The following VASH2 variants were observed in gnomAD, a reference collection of about 807,000 sequenced individuals.
VASH2 encodes tubulinyl-Tyr carboxypeptidase 2.
VASH2 carries 28 observed loss-of-function variants against 37.2 expected under a neutral mutation model. The observed-to-expected ratio is 0.75, with a 90% CI of 0.56 to 1.03. The LOEUF (loss-of-function observed/expected upper bound fraction) is 1.03, where lower values mean the gene tolerates loss of function less well. Among genes scored for constraint, VASH2 ranks in the 50% least tolerant of loss-of-function variants. The pLI is 0.00. For synonymous variants in VASH2, 188 were observed against 174.7 expected (o/e 1.08, Z -0.60); for missense variants, 419 against 459.1 (o/e 0.91, Z 0.80).
At chr1:212,959,879 C>CA (rs1666619293) in intron 2 of VASH2, among the ~76,000 whole-genome samples, 1 of 152,232 alleles carries the variant, frequency 6.6e-6, no homozygotes, top group Non-Finnish European at 1.5e-5. Flanking sequence ...CACCTGTCCT[C>CA]AGGCCCTTTC....
Position 212,972,642 on chromosome 1 carries a change from C to T in VASH2, c.560C>T (p.Ser187Leu). The T allele has an allele frequency of 1.2e-6, 2 of 1,614,184 alleles. No individual in the cohort carries two copies. Among genetic ancestry groups the T allele is most frequent in the Non-Finnish European group, 1.7e-6 (2 of 1,180,046 alleles). ...CCCATCAGCTTTAAAACCTACTTCT[C>T]AGGAAACTACTTTCACCACGTTGTG... ...RFPISFKTYF[S>L]GNYFHHVVLG... Residue 187 changes from serine to leucine, a missense_variant, in exon 6 of 8, where the codon TCA becomes TTA. Around this residue, in one of 3 missense-constraint regions of VASH2, gnomAD observed 84 missense variants for 129.9 expected, o/e 0.65. Coordinates refer to ENST00000517399, the MANE Select transcript of VASH2 (RefSeq NM_001301056.2).
chr1:212,955,687 TATTCTCGAGTTG>T (rs1666468715), intron 2 of VASH2, among the ~76,000 whole-genome samples: 1 of 152,202 alleles, frequency 6.6e-6, no homozygotes, highest in Admixed American at 6.5e-5. Context: ...TCTTGTGCCT[TATTCTCGAGTTG>T]ATTCCCAATT....
At chr1:212,968,639 CAT>C (rs1362888908) in intron 5 of VASH2, 1 of 985,428 alleles carries the variant, frequency 1.0e-6, no homozygotes, top group Admixed American at 6.1e-5. Context: ...GGAGATGAAA[CAT>C]GTGCCTGGGG....
At chr1:212,985,419 CT>C (rs144366214) in intron 7 of VASH2, among the ~76,000 whole-genome samples, 4,104 of 135,612 alleles carry the variant, frequency 0.03, 168 homozygotes, top group African/African-American at 0.099. Flanking sequence ...TAGAGACCAT[CT>C]TTTTTTTTTT....
chr1:212,990,449 C>T lies in VASH2; in HGVS notation c.*1865C>T, dbSNP rs2075847292. 2 of 152,144 alleles carry T rather than the reference C, an allele frequency of 1.3e-5. No homozygotes were observed. The highest frequency in any genetic ancestry group is 2.9e-5 in the Non-Finnish European group (2 of 68,030). The allele number at this position is 152,144 out of a possible 1,614,324, so 9.4% of individuals were successfully genotyped here. ...ATTTCATTTTCATTCTAAAACAATA[C>T]TGACTTAGCCATATACCTTCTGTTT... On this transcript the variant is annotated 3_prime_UTR_variant, in exon 8 of 8. Coordinates refer to ENST00000517399, the MANE Select transcript of VASH2 (RefSeq NM_001301056.2).
At chr1:212,964,820 T>C (rs1666790911) in intron 3 of VASH2, among the ~76,000 whole-genome samples, 1 of 152,132 alleles carries the variant, frequency 6.6e-6, no homozygotes, top group Non-Finnish European at 1.5e-5. Flanking sequence ...CACTCATTCA[T>C]CCATCCACCT....
intron 5 of VASH2, 68 bp downstream of exon 5, chr1:212,966,413 C>T: frequency 2.3e-6 from 3 of 1,294,734 alleles, no homozygotes; most frequent in Non-Finnish European, 3.3e-6. Flanking sequence ...GCTTGTTGTG[C>T]CTTTAACATT....
rs2075847055 is a variant in VASH2 at position 212,990,429 on chromosome 1, AT to A, written c.*1849del. ...GATGTTTGAAATAGTGAATCATTTC[AT>A]TTTCATTCTAAAACAATACTGACTT... On this transcript the variant is annotated 3_prime_UTR_variant, in exon 8 of 8. Coordinates refer to ENST00000517399, the MANE Select transcript of VASH2 (RefSeq NM_001301056.2). 1 of 152,200 alleles carries A rather than the reference AT, an allele frequency of 6.6e-6. No individual in the cohort carries two copies. The highest frequency in any genetic ancestry group is 1.5e-5 in the Non-Finnish European group (1 of 68,032). The allele number at this position is 152,200 out of a possible 1,614,324, so 9.4% of individuals were successfully genotyped here.
chr1:212,959,120 A>G (rs1244282150), intron 2 of VASH2, among the ~76,000 whole-genome samples: 1 of 152,158 alleles, frequency 6.6e-6, no homozygotes, highest in African/African-American at 2.4e-5. Context: ...CTAAAACTTG[A>G]AACACAGGAG....
chr1:212,980,820 C>CA (rs1667317868), intron 7 of VASH2, among the ~76,000 whole-genome samples: 1 of 152,046 alleles, frequency 6.6e-6, no homozygotes, highest in South Asian at 2.1e-4. Flanking sequence ...AGCAAACAAA[C>CA]AAAAAAGAAC....
intron 3 of VASH2, among the ~76,000 whole-genome samples, chr1:212,962,551 T>G (rs1045787585): frequency 1.3e-5 from 2 of 152,216 alleles, no homozygotes; most frequent in Non-Finnish European, 2.9e-5. Context: ...CTGGTGGATA[T>G]TTGTGTCTTC....
At chr1:212,955,866 C>CGTCT (rs549280729) in intron 2 of VASH2, among the ~76,000 whole-genome samples, 4 of 152,190 alleles carry the variant, frequency 2.6e-5, no homozygotes, top group East Asian at 1.9e-4. Context: ...GAGAACCTTC[C>CGTCT]GTCTGTCTGT....
At position 212,959,101 on chromosome 1, in the gene VASH2, G is replaced by A. The variant is rs150106913; in HGVS notation, c.277-2065G>A. Reference sequence around the variant, plus strand: ...CCTGGGCTTTCTCTCTCGTTCGTTCGTACAGGGCCTAAAACTTGAAACACA... The same window carrying A: ...CCTGGGCTTTCTCTCTCGTTCGTTCATACAGGGCCTAAAACTTGAAACACA... On this transcript the variant is annotated intron_variant, in intron 2 of 7. Transcript: ENST00000517399. Among the ~76,000 whole-genome samples, 580 of 152,206 alleles carry A rather than the reference G, an allele frequency of 3.8e-3. 5 individuals are homozygous for A. Among genetic ancestry groups the A allele is most frequent in the African/African-American group, 0.013 (555 of 41,518 alleles).
chr1:212,978,740 C>G (rs975579084), intron 7 of VASH2, among the ~76,000 whole-genome samples: 2 of 152,128 alleles, frequency 1.3e-5, no homozygotes, highest in African/African-American at 4.8e-5. Flanking sequence ...GGCCTTGGAA[C>G]GGTTTGACCA....
rs546851549 is a variant in VASH2 at position 212,989,993 on chromosome 1, A to G, written c.*1409A>G. 2 of 152,230 alleles carry G rather than the reference A, an allele frequency of 1.3e-5. No homozygotes were observed. The highest frequency in any genetic ancestry group is 3.9e-4 in the East Asian group (2 of 5,174). The allele number at this position is 152,230 out of a possible 1,614,324, so 9.4% of individuals were successfully genotyped here. A position where few individuals can be genotyped will look rare whatever the true frequency, so the allele number is the denominator to read the frequency against. ...ATTTCAGTGAAGTCTGGTAGTCAAC[A>G]GATGTTATTTCAGTCTCAGTGCATC... is the stretch of plus-strand genomic sequence containing the variant. On this transcript the variant is annotated 3_prime_UTR_variant, in exon 8 of 8. Coordinates refer to ENST00000517399, the MANE Select transcript of VASH2 (RefSeq NM_001301056.2).
chr1:212,971,723 G>C lies in VASH2; in HGVS notation c.498-857G>C, dbSNP rs1317608173. 6.6e-6 allele frequency among the ~76,000 whole-genome samples: 1 copy of C among 151,984 alleles called. No homozygotes were observed. Among genetic ancestry groups the C allele is most frequent in the Non-Finnish European group, 1.5e-5 (1 of 68,000 alleles). On this transcript the variant is annotated intron_variant, in intron 5 of 7. Coordinates refer to ENST00000517399, the MANE Select transcript of VASH2 (RefSeq NM_001301056.2). This position sits in a 1 kb window ranked among gnomAD's most constrained non-coding sequence, Gnocchi z 4.0. ...GATTAAACCGAGAGCAGAGGACAAG[G>C]CTGCCGCCAGTGCTGTGGATGGATT...
rs1157550278 is a variant in VASH2, at chr1:212,990,339, AT to A, written c.*1756del. ...AAGAACAGTATTATCAGAGTTTAAA[AT>A]GAGTTAGCTCTGTTTATCTACACAC... On this transcript the variant is annotated 3_prime_UTR_variant, in exon 8 of 8. Coordinates refer to ENST00000517399, the MANE Select transcript of VASH2 (RefSeq NM_001301056.2). The A allele has an allele frequency of 6.6e-6, 1 of 152,252 alleles. No homozygotes were observed. Among genetic ancestry groups the A allele is most frequent in the Non-Finnish European group, 1.5e-5 (1 of 68,042 alleles). 9.4% of individuals were successfully genotyped at this position (152,252 alleles called of 1,614,324 possible).
intron 2 of VASH2, among the ~76,000 whole-genome samples, chr1:212,959,204 A>G (rs2102624793): frequency 6.6e-6 from 1 of 152,372 alleles, no homozygotes; most frequent in African/African-American, 2.4e-5. Context: ...TTTTTTACAT[A>G]GAACACTTTC....
rs548651966 is a variant in VASH2, at chr1:212,959,425, ACACT to A, written c.277-1737_277-1734del. The stretch of plus-strand genomic sequence containing the variant: ...AATAGCTGTGCCTGAGTGTGCACAC[ACACT>A]CACATTCACACGCACATTCACACAC... On this transcript the variant is annotated intron_variant, in intron 2 of 7. Coordinates refer to ENST00000517399, the MANE Select transcript of VASH2 (RefSeq NM_001301056.2). Among the ~76,000 whole-genome samples, 26 of 141,064 alleles carry A rather than the reference ACACT, an allele frequency of 1.8e-4. No homozygotes were observed. In the South Asian group the frequency reaches 4.7e-3, roughly 25 times the overall value. 92.5% of individuals were successfully genotyped at this position (141,064 alleles called of 152,430 possible).
Sources: allele counts gnomAD v4.1 joint callset (sites outside exome capture counted in the v4.1 genomes callset), GRCh38; gene constraint gnomAD v4.1.1; regional missense constraint gnomAD v4.1.1; non-coding constraint Gnocchi (gnomAD v3.1); transcripts MANE v1.5; gene names NCBI Gene and HGNC (gene_info 2026-07-23, HGNC 2026-07-21).